The following ASB14 variants were observed in gnomAD, a reference collection of about 807,000 sequenced individuals.
ASB14 encodes ankyrin repeat and SOCS box containing 14, also known as ankyrin repeat and SOCS box protein 14.
In ASB14, 63 loss-of-function variants were observed where a neutral mutation model predicts 55.6. That is an observed-to-expected ratio of 1.13 (90% CI 0.92 to 1.40). ASB14 has a LOEUF of 1.40. Ranked by LOEUF, ASB14 falls within the 40% of genes most tolerant of loss-of-function variation. ASB14 has a pLI of 0.00. For missense variants in ASB14, 724 were observed against 710.4 expected (o/e 1.02, Z -0.22); for synonymous variants, 256 against 259.9 (o/e 0.98, Z 0.15).
chr3:57,289,794 CCCA>C (rs1022277016), intron 2 of ASB14, among the ~76,000 whole-genome samples: 2 of 136,774 alleles, frequency 1.5e-5, no homozygotes, highest in African/African-American at 5.5e-5. Flanking sequence ...ACTACAGGTG[CCCA>C]CCATCACGGC....
intron 6 of ASB14, among the ~76,000 whole-genome samples, chr3:57,281,422 A>G (rs1329659306): frequency 6.6e-6 from 1 of 152,148 alleles, no homozygotes; most frequent in Non-Finnish European, 1.5e-5. Context: ...TGTTCCCAGT[A>G]AAATGGGCTC....
intron 6 of ASB14, among the ~76,000 whole-genome samples, chr3:57,281,525 CTCCA>C (rs375783690): frequency 8.8e-4 from 134 of 152,262 alleles, no homozygotes; most frequent in African/African-American, 3.1e-3. Flanking sequence ...TTAACACAGA[CTCCA>C]TAAGAGTCAT....
intron 7 of ASB14, among the ~76,000 whole-genome samples, chr3:57,279,665 TC>T (rs1004620939): frequency 2.0e-5 from 3 of 152,058 alleles, no homozygotes; most frequent in African/African-American, 7.2e-5. Flanking sequence ...GCCACTGCAC[TC>T]CAGCCTGGCT....
At position 57,278,894 on chromosome 3, in the gene ASB14, G is replaced by T. The variant is rs143141887; in HGVS notation, c.914C>A (p.Thr305Lys). The T allele has an allele frequency of 2.5e-6, 4 of 1,613,414 alleles. No homozygotes were observed. Among genetic ancestry groups the T allele is most frequent in the Non-Finnish European group, 2.5e-6 (3 of 1,179,766 alleles). ...ACTCTGCTTAATGGCAGCAAGATCC[G>T]TAACTGGAATCAGTATCTTTAGAGC... Reference protein sequence around the residue: ...LLALKILIPVTDLAAIKQSGI... With the variant: ...LLALKILIPVKDLAAIKQSGI... Residue 305 changes from threonine (T) to lysine (K), a missense_variant, in exon 8 of 11, where the codon ACG (threonine) becomes AAG (lysine). Thr to Lys is a moderately conservative substitution (Grantham distance 78). Transcript: ENST00000487349.
rs145575292 is a variant in ASB14 at position 57,281,744 on chromosome 3, A to G, written c.716-1271T>C. ...TTGAGTTTCAGTGACTTCCCCAAAG[A>G]TGCACACCTAGTAAGCAAGGTAGTC... On this transcript the variant is annotated intron_variant, in intron 6 of 10. Transcript: ENST00000487349. Among the ~76,000 whole-genome samples the G allele has an allele frequency of 3.1e-4, 47 of 152,314 alleles. No individual in the cohort carries two copies. The East Asian group carries it at 9.1e-3, about 29-fold the overall frequency.
Position 57,269,462 on chromosome 3 carries a change from C to T in ASB14, c.*179G>A, listed in dbSNP as rs2060919565. ...TATTTATGACAGAAGAAGTGGCTCT[C>T]AAGAATGTATCTTAACTGCATAATT... On this transcript the variant is annotated 3_prime_UTR_variant, in exon 11 of 11. Coordinates refer to ENST00000487349, the MANE Select transcript of ASB14 (RefSeq NM_001142733.3). 6 of 1,451,882 alleles carry T rather than the reference C, an allele frequency of 4.1e-6. No homozygotes were observed. The highest frequency in any genetic ancestry group is 5.6e-6 in the Non-Finnish European group (6 of 1,065,534). The allele number at this position is 1,451,882 out of a possible 1,614,324, so 89.9% of individuals were successfully genotyped here. A position where few individuals can be genotyped will look rare whatever the true frequency, so the allele number is the denominator to read the frequency against.
At chr3:57,273,853 A>G (rs1240737970) in intron 10 of ASB14, among the ~76,000 whole-genome samples, 1 of 152,198 alleles carries the variant, frequency 6.6e-6, no homozygotes, top group South Asian at 2.1e-4. Context: ...TCTTATGTCA[A>G]TTAGTTACTT....
chr3:57,277,831 G>C lies in ASB14; in HGVS notation c.1521C>G (p.Ile507Met), dbSNP rs748036795. The C allele has an allele frequency of 6.2e-7, 1 of 1,613,870 alleles. No homozygotes were observed. The highest frequency in any genetic ancestry group is 8.5e-7 in the Non-Finnish European group (1 of 1,179,822). Reference sequence around the variant, plus strand: ...GGAGCACAGCTTTCAACTTTGAACAGATCCGAACTTGATCAACATAATCAA... The same window carrying C: ...GGAGCACAGCTTTCAACTTTGAACACATCCGAACTTGATCAACATAATCAA... ...VMLDYVDQVR[I>M]CSKLKAVLQK... The change falls in exon 9 of 11, where the codon ATC becomes ATG. Residue 507 changes from isoleucine (I) to methionine (M), a missense_variant. Coordinates refer to ENST00000487349, the MANE Select transcript of ASB14 (RefSeq NM_001142733.3).
At position 57,288,049 on chromosome 3, in the gene ASB14, G is replaced by A. The variant is rs2061094595; in HGVS notation, c.321C>T (p.Pro107=). 5 of 1,537,286 alleles carry A rather than the reference G, an allele frequency of 3.3e-6. No individual in the cohort carries two copies. Among genetic ancestry groups the A allele is most frequent in the Non-Finnish European group, 3.5e-6 (4 of 1,146,882 alleles). ...TGTGAGTGGTTTGCTCCCACAGACT[G>A]GGGTCTGAAGCTGAAATAAATTCAT... is the stretch of plus-strand genomic sequence containing the variant. ...ILEITLSASD[P]SLWEQTTHNG... Residue 107 remains proline, a synonymous_variant, in exon 5 of 11, where the codon CCC becomes CCT. Coordinates refer to ENST00000487349, the MANE Select transcript of ASB14 (RefSeq NM_001142733.3).
Position 57,291,920 on chromosome 3 carries a change from C to G in ASB14, c.114G>C (p.Lys38Asn), listed in dbSNP as rs1216199235. The G allele has an allele frequency of 6.5e-7, 1 of 1,534,668 alleles. No homozygotes were observed. The highest frequency in any genetic ancestry group is 1.2e-5 in the South Asian group (1 of 83,908). Residue 38 changes from lysine to asparagine, a missense_variant, in exon 2 of 11, where the codon AAG becomes AAC. Lys to Asn is a moderately conservative substitution (Grantham distance 94). Coordinates refer to ENST00000487349, the MANE Select transcript of ASB14 (RefSeq NM_001142733.3). ...GATGAGAAAACCATTACCTCTCATC[C>G]TTAGGTGCATGTTGTGCTGTTCCTG... The part of the protein sequence containing the change: ...YKPGTAQHAP[K>N]DESLHSFLSA...
intron 10 of ASB14, among the ~76,000 whole-genome samples, chr3:57,274,489 C>T (rs1446012469): frequency 6.6e-6 from 1 of 152,148 alleles, no homozygotes; most frequent in African/African-American, 2.4e-5. Flanking sequence ...TCGAGACAGC[C>T]TGACCAACAT....
rs2060987302 is a variant in ASB14, at chr3:57,276,434, C to G, written c.*22+94G>C. On this transcript the variant is annotated intron_variant, in intron 10 of 10. Transcript: ENST00000487349. ...CCAAGCAGAGCTACTTTTTAAAGGA[C>G]TTAGACTGCATTGAGATTTTAGTTG... The G allele has an allele frequency of 8.7e-6, 8 of 923,212 alleles. No individual in the cohort carries two copies. In the South Asian group the frequency reaches 1.5e-4, roughly 17 times the overall value. 57.2% of individuals were successfully genotyped at this position (923,212 alleles called of 1,614,324 possible).
intron 5 of ASB14, among the ~76,000 whole-genome samples, chr3:57,286,136 A>G (rs779914419): frequency 3.9e-5 from 6 of 152,284 alleles, no homozygotes; most frequent in East Asian, 1.9e-4. Flanking sequence ...AATTACTTCA[A>G]GCTTCTAGTT....
At chr3:57,270,676 C>T (rs2060931118) in intron 10 of ASB14, 1 of 152,442 alleles carries the variant, frequency 6.6e-6, no homozygotes, top group South Asian at 2.1e-4. Context: ...TGATATATTC[C>T]CAGTATTTTC....
rs771994361 is a variant in ASB14 at position 57,277,835 on chromosome 3, C to T, written c.1517G>A (p.Arg506Gln). The T allele has an allele frequency of 5.6e-6, 9 of 1,613,852 alleles. No homozygotes were observed. The highest frequency in any genetic ancestry group is 2.7e-5 in the African/African-American group (2 of 75,008). ...CACAGCTTTCAACTTTGAACAGATC[C>T]GAACTTGATCAACATAATCAAGCAT... is the stretch of plus-strand genomic sequence containing the variant. ...RVMLDYVDQV[R>Q]ICSKLKAVLQ... Residue 506 changes from arginine to glutamine, a missense_variant, in exon 9 of 11, where the codon CGG becomes CAG. Physicochemically the swap from Arg to Gln is conservative, Grantham distance 43. Transcript: ENST00000487349.
chr3:57,287,723 A>G (rs924133242), intron 5 of ASB14, among the ~76,000 whole-genome samples, 178 bp downstream of exon 5: 1 of 152,186 alleles, frequency 6.6e-6, no homozygotes, highest in Non-Finnish European at 1.5e-5. Context: ...GAGGTTTTGC[A>G]TCAGGCCACC....
At chr3:57,281,915 G>A (rs2061043597) in intron 6 of ASB14, among the ~76,000 whole-genome samples, 2 of 152,158 alleles carry the variant, frequency 1.3e-5, no homozygotes, top group African/African-American at 2.4e-5. Context: ...GTCACTTGGT[G>A]CAAATTACTT....
rs368740995 is a variant in ASB14 at position 57,290,112 on chromosome 3, A to T, written c.123-989T>A. Among the ~76,000 whole-genome samples the T allele has an allele frequency of 2.8e-4, 42 of 152,350 alleles. No individual in the cohort carries two copies. The South Asian group carries it at 7.9e-3, about 29-fold the overall frequency. ...TCTATAGCTGCTGTAAGAAGTAACC[A>T]CACACTTAGTGGCTTAAAACAACAA... On this transcript the variant is annotated intron_variant, in intron 2 of 10. Coordinates refer to ENST00000487349, the MANE Select transcript of ASB14 (RefSeq NM_001142733.3).
At chr3:57,280,266 G>T in intron 7 of ASB14, 36 bp downstream of exon 7, 1 of 1,390,530 alleles carries the variant, frequency 7.2e-7, no homozygotes, top group South Asian at 1.5e-5. Flanking sequence ...AGCTATTACT[G>T]TTTTTATTAT....
Sources: gnomAD v4.1 joint callset for allele counts (sites outside exome capture counted in the v4.1 genomes callset) on GRCh38, gnomAD v4.1.1 for gene constraint, MANE v1.5 for transcripts, NCBI Gene and HGNC (gene_info 2026-07-23, HGNC 2026-07-21) for gene names.